Variants in HSF5 observed in about 807,000 individuals in gnomAD.
The protein encoded by HSF5 is heat shock factor protein 5.
In HSF5, 5 loss-of-function variants were observed where a neutral mutation model predicts 50.8. The ratio of observed to expected loss-of-function variants is 0.10; its 90% CI spans 0.05 to 0.21. The LOEUF (loss-of-function observed/expected upper bound fraction) is 0.21. Among genes scored for constraint, HSF5 ranks in the 10% least tolerant of loss-of-function variants. The probability of loss-of-function intolerance (pLI) is 1.00; values close to 1 mark genes in which losing one functional copy is unlikely to be tolerated. For missense variants in HSF5, 564 were observed against 762.6 expected, an observed-to-expected ratio of 0.74 and a Z score of 3.07; for synonymous variants, 307 against 307.4, an observed-to-expected ratio of 1.00 and a Z score of 0.02.
chr17:58,432,998 C>CCATTCATT (rs35728420), intron 5 of HSF5, among the ~76,000 whole-genome samples: 309 of 151,372 alleles, frequency 2.0e-3, no homozygotes, highest in African/African-American at 3.9e-3. Flanking sequence ...ACTAGAAGTA[C>CCATTCATT]CATTCATTCA....
intron 2 of HSF5, chr17:58,476,140 T>TCCTTCATCCTTCTCTCCTTCCTCC: frequency 9.5e-7 from 1 of 1,054,074 alleles, no homozygotes; most frequent in Non-Finnish European, 1.4e-6. Flanking sequence ...AGTCATCTTC[T>TCCTTCATCCTTCTCTCCTTCCTCC]CCTTCATCCT....
At position 58,488,162 on chromosome 17, in the gene HSF5, C is replaced by A. The variant is rs1277747210; in HGVS notation, c.113G>T (p.Gly38Val). The change falls in exon 1 of 6, where the codon GGG becomes GTG. Residue 38 changes from glycine (G) to valine (V), a missense_variant. By Grantham distance (109) the Gly-to-Val change is moderately radical. Transcript: ENST00000323777. The surrounding 1 kb of genome is among the most constrained non-coding windows in gnomAD (Gnocchi z 4.1). ...RSIRWDGRGE[G>V]LLIDQPLFEA... ...GAAGAGCGGCTGATCGATAAGCAGC[C>A]CCTCGCCGCGGCCGTCCCAGCGGAT... The A allele has an allele frequency of 1.3e-6, 2 of 1,534,302 alleles. No homozygotes were observed. The highest frequency in any genetic ancestry group is 2.4e-5 in the South Asian group (2 of 82,896).
Position 58,476,693 on chromosome 17 carries a change from ATGT to A in HSF5, c.925+3197_925+3199del. 2.5e-6 allele frequency: 4 copies of A among 1,582,826 alleles called. No homozygotes were observed. The East Asian group carries it at 6.7e-5, about 27-fold the overall frequency. ...GCAGACACTTGTGGATGGTTGACAA[ATGT>A]TGTTATCCAAAAATGTGGGATTTTG... is the stretch of plus-strand genomic sequence containing the variant. On this transcript the variant is annotated intron_variant, in intron 2 of 5. Transcript: ENST00000323777.
At chr17:58,441,650 G>A (rs1974499366) in intron 5 of HSF5, among the ~76,000 whole-genome samples, 1 of 152,232 alleles carries the variant, frequency 6.6e-6, no homozygotes. Flanking sequence ...CACTTCAGAT[G>A]AGTCCATGAA....
In HSF5 at chr17:58,422,346, T is replaced by C. The variant is rs1316226104; in HGVS notation, c.*14A>G. 1.9e-5 allele frequency: 30 copies of C among 1,603,248 alleles called. No individual in the cohort carries two copies. The highest frequency in any genetic ancestry group is 2.4e-5 in the Non-Finnish European group (28 of 1,170,330). Reference sequence around the variant, plus strand: ...CTACAGCTAGTGCACAATGTCACATTTGTCATCCATTCCTCACTCTTTTAA... The same window carrying C: ...CTACAGCTAGTGCACAATGTCACATCTGTCATCCATTCCTCACTCTTTTAA... On this transcript the variant is annotated 3_prime_UTR_variant, in exon 6 of 6. Coordinates refer to ENST00000323777, the MANE Select transcript of HSF5 (RefSeq NM_001080439.3).
chr17:58,452,758 C>T (rs918364347), intron 5 of HSF5, among the ~76,000 whole-genome samples: 3 of 152,258 alleles, frequency 2.0e-5, no homozygotes, highest in Non-Finnish European at 4.4e-5. Flanking sequence ...CTGGCCTCCA[C>T]GCCACCCTCC....
At chr17:58,476,338 A>C (rs1975011623) in intron 2 of HSF5, 7 of 1,109,332 alleles carry the variant, frequency 6.3e-6, no homozygotes, top group South Asian at 4.9e-5. Context: ...GACCTCTCCT[A>C]ACTCATCAGT....
intron 2 of HSF5, among the ~76,000 whole-genome samples, chr17:58,479,269 G>A (rs1000953372): frequency 2.0e-5 from 3 of 151,954 alleles, no homozygotes; most frequent in African/African-American, 7.3e-5. Flanking sequence ...ACAGCACCAA[G>A]TACAGAGTTA....
chr17:58,431,465 T>C (rs1355917733), intron 5 of HSF5, among the ~76,000 whole-genome samples: 1 of 152,186 alleles, frequency 6.6e-6, no homozygotes, highest in Admixed American at 6.5e-5. Flanking sequence ...TGGTCTGTCA[T>C]TGACTGAATG....
chr17:58,422,406 GCCACGTC>G lies in HSF5; in HGVS notation c.1738_1744del (p.Asp580ProfsTer13), dbSNP rs1974239135. On this transcript the variant is annotated frameshift_variant, in exon 6 of 6. Coordinates refer to ENST00000323777, the MANE Select transcript of HSF5 (RefSeq NM_001080439.3). LOFTEE classifies it high-confidence loss of function. ...CTTTGGAAAGCGCTCCTGCTTGCAG[GCCACGTC>G]CACCAGCAGATGAAGATCTAGAAAG... The G allele has an allele frequency of 6.2e-7, 1 of 1,613,758 alleles. No homozygotes were observed. The highest frequency in any genetic ancestry group is 1.3e-5 in the African/African-American group (1 of 74,896).
chr17:58,429,351 T>C (rs1186233813), intron 5 of HSF5, among the ~76,000 whole-genome samples: 16 of 152,154 alleles, frequency 1.1e-4, no homozygotes, highest in Admixed American at 1.0e-3. Context: ...ATTATGAATG[T>C]ACTATATGCC....
At chr17:58,439,507 G>A (rs1257744587) in intron 5 of HSF5, among the ~76,000 whole-genome samples, 3 of 150,752 alleles carry the variant, frequency 2.0e-5, no homozygotes, top group East Asian at 1.9e-4. Flanking sequence ...TTTTTGAGAC[G>A]GAGTTTTGCT....
Position 58,437,433 on chromosome 17 carries a change from A to AT in HSF5, c.1721-15004dup, listed in dbSNP as rs945779800. On this transcript the variant is annotated intron_variant, in intron 5 of 5. Transcript: ENST00000323777. ...TTTAAACTACTTTTAGTATTTTTAG[A>AT]TTTTTTAAAATTTGAAAAACATAGA... is the stretch of plus-strand genomic sequence containing the variant. Among the ~76,000 whole-genome samples the AT allele has an allele frequency of 2.0e-5, 3 of 152,242 alleles. No individual in the cohort carries two copies. In the East Asian group the frequency reaches 5.8e-4, roughly 29 times the overall value.
rs1314450373 is a variant in HSF5 at position 58,480,276 on chromosome 17, AAG to A, written c.551-11_551-10del. Reference sequence around the variant, plus strand: ...TCCTACAGCCACTGGTCCTACATAAAAGAGGAAGAGCACATTTACTAATTTTG... The same window carrying A: ...TCCTACAGCCACTGGTCCTACATAAAAGGAAGAGCACATTTACTAATTTTG... On this transcript the variant is annotated splice_polypyrimidine_tract_variant and intron_variant, in intron 1 of 5. Transcript: ENST00000323777. The A allele has an allele frequency of 6.3e-7, 1 of 1,585,762 alleles. No individual in the cohort carries two copies. Among genetic ancestry groups the A allele is most frequent in the Non-Finnish European group, 8.6e-7 (1 of 1,166,476 alleles).
rs940868239 is a variant in HSF5, at chr17:58,420,333, A to G, written c.*2027T>C. On this transcript the variant is annotated 3_prime_UTR_variant, in exon 6 of 6. Transcript: ENST00000323777. Reference sequence around the variant, plus strand: ...ATTATACCTCTTGCCATTTTGCCCAAGTCATTAATGACAGCTTTAGTTGAT... The same window carrying G: ...ATTATACCTCTTGCCATTTTGCCCAGGTCATTAATGACAGCTTTAGTTGAT... 2 of 152,208 alleles carry G rather than the reference A, an allele frequency of 1.3e-5. No homozygotes were observed. The highest frequency in any genetic ancestry group is 4.8e-5 in the African/African-American group (2 of 41,454). The allele number at this position is 152,208 out of a possible 1,614,324, so 9.4% of individuals were successfully genotyped here.
At chr17:58,443,090 G>A (rs1974518973) in intron 5 of HSF5, among the ~76,000 whole-genome samples, 1 of 152,040 alleles carries the variant, frequency 6.6e-6, no homozygotes, top group African/African-American at 2.4e-5. Context: ...TGTATTTTTA[G>A]TAGAGACGGG....
At chr17:58,433,479 G>C (rs1049402100) in intron 5 of HSF5, among the ~76,000 whole-genome samples, 2 of 152,150 alleles carry the variant, frequency 1.3e-5, no homozygotes, top group African/African-American at 4.8e-5. Flanking sequence ...GATAATAAAA[G>C]CATGAGACTG....
chr17:58,473,177 C>T (rs942896290), intron 2 of HSF5, among the ~76,000 whole-genome samples: 15 of 151,956 alleles, frequency 9.9e-5, no homozygotes, highest in African/African-American at 3.6e-4. Flanking sequence ...GATAATTACA[C>T]TATTTTATAA....
intron 5 of HSF5, among the ~76,000 whole-genome samples, chr17:58,431,471 G>C (rs1974364440): frequency 6.6e-6 from 1 of 152,076 alleles, no homozygotes; most frequent in African/African-American, 2.4e-5. Flanking sequence ...GTCATTGACT[G>C]AATGTCATTA....
Sources: gnomAD v4.1 joint callset for allele counts (sites outside exome capture counted in the v4.1 genomes callset) on GRCh38, gnomAD v4.1.1 for gene constraint, Gnocchi (gnomAD v3.1) non-coding constraint, MANE v1.5 for transcripts, NCBI Gene and HGNC (gene_info 2026-07-23, HGNC 2026-07-21) for gene names.